The following SYNPR variants were observed in gnomAD, a reference collection of about 807,000 sequenced individuals.
SYNPR encodes the protein synaptoporin.
A neutral mutation model predicts 32.9 loss-of-function variants in SYNPR; 23 were observed. The ratio of observed to expected loss-of-function variants is 0.70; its 90% CI spans 0.50 to 0.99. SYNPR has a LOEUF of 0.99. Among genes scored for constraint, SYNPR ranks in the 50% least tolerant of loss-of-function variants. The pLI is 0.00. For missense variants in SYNPR, 318 were observed against 349.3 expected (o/e 0.91, Z 0.71); for synonymous variants, 146 against 135.9 (o/e 1.07, Z -0.52).
At chr3:63,472,939 C>T (rs1316067232) in intron 2 of SYNPR, among the ~76,000 whole-genome samples, 2 of 152,124 alleles carry the variant, frequency 1.3e-5, no homozygotes, top group Non-Finnish European at 2.9e-5. Context: ...TGAAAGCATC[C>T]ATAAATAGAT....
the SYNPR span, among the ~76,000 whole-genome samples, chr3:63,221,449 C>T: frequency 6.6e-6 from 1 of 152,186 alleles, no homozygotes; most frequent in African/African-American, 2.4e-5. Flanking sequence ...CTGATGTAAT[C>T]TTTGAGGATA....
intron 3 of SYNPR, among the ~76,000 whole-genome samples, chr3:63,538,059 T>C (rs538055872): frequency 7.9e-5 from 12 of 152,062 alleles, no homozygotes; most frequent in African/African-American, 2.7e-4. Context: ...AATATTTCCT[T>C]GCCCTACCAC....
upstream of SYNPR, among the ~76,000 whole-genome samples, chr3:63,224,177 G>A (rs2086112668): frequency 6.6e-6 from 1 of 152,182 alleles, no homozygotes; most frequent in Admixed American, 6.5e-5. Flanking sequence ...TGGCAGGCAA[G>A]CCAGCATTAT....
At chr3:63,378,511 G>A (rs184475428) in intron 2 of SYNPR, among the ~76,000 whole-genome samples, 165 of 152,026 alleles carry the variant, frequency 1.1e-3, no homozygotes, top group Middle Eastern at 3.4e-3. Flanking sequence ...CTATTTATAT[G>A]TCTTCCCCTC....
chr3:63,408,256 A>G, intron 2 of SYNPR, among the ~76,000 whole-genome samples: 1 of 123,986 alleles, frequency 8.1e-6, no homozygotes, highest in Non-Finnish European at 1.6e-5. Context: ...AAAGAAAGAA[A>G]GAAAGAAAGA....
At chr3:63,599,891 G>A (rs1227363120) in intron 4 of SYNPR, among the ~76,000 whole-genome samples, 1 of 152,164 alleles carries the variant, frequency 6.6e-6, no homozygotes, top group Non-Finnish European at 1.5e-5. Context: ...TATGTAAAAA[G>A]CATAATTTGC....
At chr3:63,392,531 G>A (rs1223479230) in intron 2 of SYNPR, among the ~76,000 whole-genome samples, 1 of 152,092 alleles carries the variant, frequency 6.6e-6, no homozygotes, top group African/African-American at 2.4e-5. Flanking sequence ...AGGCTGCTGT[G>A]AGAATCCAGG....
chr3:63,456,791 C>G (rs935548912), intron 2 of SYNPR, among the ~76,000 whole-genome samples: 1 of 152,084 alleles, frequency 6.6e-6, no homozygotes, highest in Non-Finnish European at 1.5e-5. Context: ...TGAACCCACT[C>G]TTCATCCTGG....
Position 63,278,337 on chromosome 3 carries a change from ACG to A in SYNPR, c.-193_-192del. On this transcript the variant is annotated 5_prime_UTR_variant, in exon 1 of 6. Transcript: ENST00000478300. ...CTCGCTGACTCGCTTCGCTTCCCCG[ACG>A]CGCTGGGTTCCCGGAGCGCAGAGCC... 1 of 644,474 alleles carries A rather than the reference ACG, an allele frequency of 1.6e-6. No homozygotes were observed. The highest frequency in any genetic ancestry group is 2.6e-6 in the Non-Finnish European group (1 of 380,850). 39.9% of individuals were successfully genotyped at this position (644,474 alleles called of 1,614,324 possible). A position where few individuals can be genotyped will look rare whatever the true frequency, so the allele number is the denominator to read the frequency against.
intron 1 of SYNPR, among the ~76,000 whole-genome samples, chr3:63,249,218 T>C (rs1336649838): frequency 1.3e-5 from 2 of 152,042 alleles, no homozygotes; most frequent in South Asian, 2.1e-4. Flanking sequence ...ACTAAAGACA[T>C]GGAAAATCAG....
intron 2 of SYNPR, among the ~76,000 whole-genome samples, chr3:63,352,352 C>G (rs17068291): frequency 0.18 from 26,737 of 152,008 alleles, 2,508 homozygotes; most frequent in Non-Finnish European, 0.19. Flanking sequence ...CCGGCAGATT[C>G]GGCTGGAAAA....
intron 2 of SYNPR, among the ~76,000 whole-genome samples, chr3:63,469,481 A>G (rs1335408013): frequency 6.6e-6 from 1 of 152,210 alleles, no homozygotes; most frequent in Non-Finnish European, 1.5e-5. Flanking sequence ...CCATATCACA[A>G]ATTTACCCAA....
intron 1 of SYNPR, among the ~76,000 whole-genome samples, chr3:63,239,317 C>T (rs1348791526): frequency 6.6e-6 from 1 of 151,650 alleles, no homozygotes; most frequent in African/African-American, 2.4e-5. Context: ...GTCACCCATC[C>T]TACCATTGTC....
At chr3:63,384,345 C>T (rs931660768) in intron 2 of SYNPR, among the ~76,000 whole-genome samples, 2 of 152,104 alleles carry the variant, frequency 1.3e-5, no homozygotes, top group African/African-American at 2.4e-5. Context: ...ATATCCTCCA[C>T]GAATATCATT....
intron 2 of SYNPR, among the ~76,000 whole-genome samples, chr3:63,320,229 G>T (rs753979968): frequency 1.8e-4 from 27 of 151,996 alleles, no homozygotes; most frequent in Non-Finnish European, 3.4e-4. Flanking sequence ...AGGATTATAG[G>T]TATGAGCCAC....
chr3:63,297,120 TAAGC>T lies in SYNPR; in HGVS notation c.84+18381_84+18384del, dbSNP rs368694379. On this transcript the variant is annotated intron_variant, in intron 2 of 5. Transcript: ENST00000478300. The stretch of plus-strand genomic sequence containing the variant: ...GTTTTCAAGGGGAATGTGCTAAACT[TAAGC>T]AAATAATTTAGATTAGGGACTAGCT... Among the ~76,000 whole-genome samples the T allele has an allele frequency of 9.0e-4, 137 of 152,332 alleles. No individual in the cohort carries two copies. In the South Asian group the frequency reaches 0.015, roughly 17 times the overall value.
the SYNPR span, among the ~76,000 whole-genome samples, chr3:63,212,476 T>C: frequency 2.9e-5 from 1 of 33,986 alleles, no homozygotes; most frequent in Non-Finnish European, 6.2e-5. Context: ...ATGAGCATTT[T>C]TTCATGTGTT....
At chr3:63,435,302 T>C (rs1283100283) in intron 2 of SYNPR, among the ~76,000 whole-genome samples, 1 of 152,202 alleles carries the variant, frequency 6.6e-6, no homozygotes, top group Admixed American at 6.5e-5. Context: ...TAGATTCTAG[T>C]AGATCAGGTT....
intron 2 of SYNPR, among the ~76,000 whole-genome samples, chr3:63,322,131 G>GA (rs1181261074): frequency 1.3e-5 from 2 of 151,992 alleles, no homozygotes; most frequent in African/African-American, 4.8e-5. Context: ...GGAGGAATAG[G>GA]ATGACACCCA....
Sources: allele counts gnomAD v4.1 joint callset (sites outside exome capture counted in the v4.1 genomes callset), GRCh38; gene constraint gnomAD v4.1.1; transcripts MANE v1.5; gene names NCBI Gene and HGNC (gene_info 2026-07-23, HGNC 2026-07-21).